SCHIP1: variants seen among roughly 807,000 people sequenced by gnomAD.
The protein encoded by SCHIP1 is schwannomin-interacting protein 1.
A neutral mutation model predicts 29.7 loss-of-function variants in SCHIP1; 8 were observed. That is an observed-to-expected ratio of 0.27 (90% CI 0.16 to 0.49). The LOEUF (loss-of-function observed/expected upper bound fraction) is 0.49. Among genes scored for constraint, SCHIP1 ranks in the 20% least tolerant of loss-of-function variants. The pLI is 0.99. For synonymous variants in SCHIP1, 76 were observed against 94.9 expected (o/e 0.80, Z 1.16); for missense variants, 193 against 294.6 (o/e 0.66, Z 2.52).
At chr3:159,833,142 C>T in the SCHIP1 span, among the ~76,000 whole-genome samples, 1 of 152,184 alleles carries the variant, frequency 6.6e-6, no homozygotes, top group Non-Finnish European at 1.5e-5. Flanking sequence ...ATAACAAAGT[C>T]TTCCAAATTT....
the SCHIP1 span, among the ~76,000 whole-genome samples, chr3:159,380,979 C>A: frequency 6.6e-6 from 1 of 152,294 alleles, no homozygotes; most frequent in South Asian, 2.1e-4. Context: ...CTATTTTAGT[C>A]TCTGTTAATG....
the SCHIP1 span, among the ~76,000 whole-genome samples, chr3:159,434,564 A>G: frequency 2.0e-5 from 3 of 152,144 alleles, no homozygotes; most frequent in Admixed American, 1.3e-4. Context: ...AGCTGCAGGC[A>G]TGTCCTCATC....
the SCHIP1 span, among the ~76,000 whole-genome samples, chr3:159,406,093 G>A: frequency 6.6e-6 from 1 of 151,462 alleles, no homozygotes; most frequent in African/African-American, 2.4e-5. Context: ...TAAACCTAGA[G>A]GAAGATATCA....
At chr3:159,604,039 T>G in the SCHIP1 span, among the ~76,000 whole-genome samples, 1 of 152,156 alleles carries the variant, frequency 6.6e-6, no homozygotes, top group East Asian at 1.9e-4. Context: ...TTTTCAACAC[T>G]GCTGCATTGG....
the SCHIP1 span, among the ~76,000 whole-genome samples, chr3:159,285,062 A>G: frequency 6.6e-6 from 1 of 152,170 alleles, no homozygotes; most frequent in African/African-American, 2.4e-5. Context: ...AATGTTAAAT[A>G]TTAAGACAAT....
chr3:159,396,727 G>A, the SCHIP1 span, among the ~76,000 whole-genome samples: 2 of 151,910 alleles, frequency 1.3e-5, no homozygotes, highest in Admixed American at 1.3e-4. Flanking sequence ...AGGGTAACCC[G>A]ACCTTTCTCT....
the SCHIP1 span, among the ~76,000 whole-genome samples, chr3:159,682,237 T>C: frequency 7.9e-5 from 12 of 152,324 alleles, no homozygotes; most frequent in East Asian, 1.3e-3. Flanking sequence ...ACTCAATAAA[T>C]ATTAGTTTCT....
the SCHIP1 span, among the ~76,000 whole-genome samples, chr3:159,398,201 A>G: frequency 3.3e-5 from 5 of 152,236 alleles, no homozygotes; most frequent in South Asian, 2.1e-4. Context: ...CGGTGCGCAC[A>G]CCCACTGACC....
the SCHIP1 span, among the ~76,000 whole-genome samples, chr3:159,485,466 G>C: frequency 6.6e-6 from 1 of 152,152 alleles, no homozygotes; most frequent in East Asian, 1.9e-4. Flanking sequence ...CTGTGCTTTT[G>C]GAAATTAAAC....
the SCHIP1 span, among the ~76,000 whole-genome samples, chr3:159,351,492 T>C: frequency 6.6e-6 from 1 of 152,200 alleles, no homozygotes; most frequent in Non-Finnish European, 1.5e-5. Flanking sequence ...GTGTCCTTAA[T>C]AGCACAGTTA....
chr3:159,770,467 C>A, the SCHIP1 span, among the ~76,000 whole-genome samples: 1 of 152,150 alleles, frequency 6.6e-6, no homozygotes, highest in Non-Finnish European at 1.5e-5. Context: ...CCATGTTGGT[C>A]AAGCTGATCT....
chr3:159,655,380 G>GTGA, the SCHIP1 span, among the ~76,000 whole-genome samples: 920 of 152,096 alleles, frequency 6.0e-3, 14 homozygotes, highest in African/African-American at 0.02. Context: ...AGTAGTAGTA[G>GTGA]TGATGATGAT....
chr3:159,496,520 G>A, the SCHIP1 span, among the ~76,000 whole-genome samples: 1 of 152,128 alleles, frequency 6.6e-6, no homozygotes, highest in Non-Finnish European at 1.5e-5. Flanking sequence ...ATCATCACTG[G>A]CCATCAGAGA....
chr3:159,391,991 C>T, the SCHIP1 span, among the ~76,000 whole-genome samples: 1 of 152,144 alleles, frequency 6.6e-6, no homozygotes, highest in Non-Finnish European at 1.5e-5. Context: ...AAGGTTAGAG[C>T]GAGACTCTGG....
chr3:159,786,652 ACT>A, the SCHIP1 span, among the ~76,000 whole-genome samples: 2 of 144,308 alleles, frequency 1.4e-5, no homozygotes, highest in African/African-American at 5.3e-5. Flanking sequence ...CAGTGAAGTG[ACT>A]CTGAGTCAAA....
the SCHIP1 span, among the ~76,000 whole-genome samples, chr3:159,397,667 A>C: frequency 3.9e-5 from 6 of 152,218 alleles, no homozygotes; most frequent in Non-Finnish European, 7.3e-5. Context: ...TTGAGGAGGC[A>C]GTCTGCCCGT....
chr3:159,534,552 T>C, the SCHIP1 span, among the ~76,000 whole-genome samples: 2 of 152,088 alleles, frequency 1.3e-5, no homozygotes, highest in African/African-American at 2.4e-5. Flanking sequence ...CAAGTTGCCT[T>C]GGGTGTTAAC....
chr3:159,714,727 AG>A, the SCHIP1 span, among the ~76,000 whole-genome samples: 4 of 152,242 alleles, frequency 2.6e-5, no homozygotes, highest in Non-Finnish European at 5.9e-5. Flanking sequence ...AGGCTTGAGT[AG>A]GTAAACAAAG....
chr3:159,399,034 C>A, the SCHIP1 span: 1 of 615,204 alleles, frequency 1.6e-6, no homozygotes, highest in Non-Finnish European at 2.0e-6. Flanking sequence ...CCACCCCAAA[C>A]CCTCACTCCC....
Sources: gnomAD v4.1 joint callset for allele counts (sites outside exome capture counted in the v4.1 genomes callset) on GRCh38, gnomAD v4.1.1 for gene constraint, MANE v1.5 for transcripts, NCBI Gene and HGNC (gene_info 2026-07-23, HGNC 2026-07-21) for gene names.